SLC7A10: variants seen among roughly 807,000 people sequenced by gnomAD.
The protein encoded by SLC7A10 is solute carrier family 7 member 10, also known as asc-type amino acid transporter 1.
Under a neutral mutation model 52.7 loss-of-function variants are expected in SLC7A10, and 30 were observed. That is an observed-to-expected ratio of 0.57 (90% confidence interval 0.43 to 0.77). The LOEUF (loss-of-function observed/expected upper bound fraction) is 0.77, where lower values mean the gene tolerates loss of function less well. Ranked by LOEUF, SLC7A10 falls within the 30% of genes least tolerant of loss-of-function variation. The pLI is 0.00. For missense variants in SLC7A10, 581 were observed against 698.5 expected (o/e 0.83, Z 1.90); for synonymous variants, 318 against 314.9 (o/e 1.01, Z -0.10).
At position 33,211,484 on chromosome 19, in the gene SLC7A10, G is replaced by A. The variant is rs146695125; in HGVS notation, c.842C>T (p.Thr281Met). ...ISIPLVTFVY[T>M]FTNIAYFTAM... is the part of the protein sequence containing the mutation. ...CGTGAAGTAGGCAATGTTGGTGAAC[G>A]TGTACACGAAGGTCACCAGTGGGAT... is the stretch of plus-strand genomic sequence containing the variant. The change falls in exon 6 of 11, where the codon ACG becomes ATG. Residue 281 changes from threonine to methionine, a missense_variant. Thr to Met is a moderately conservative substitution (Grantham distance 81). Coordinates refer to ENST00000253188, the MANE Select transcript of SLC7A10 (RefSeq NM_019849.3). 25 of 1,613,994 alleles carry A rather than the reference G, an allele frequency of 1.5e-5. No homozygotes were observed. The Admixed American group carries it at 1.7e-4, about 11-fold the overall frequency.
intron 2 of SLC7A10, among the ~76,000 whole-genome samples, chr19:33,213,529 C>T (rs542054715): frequency 6.6e-6 from 1 of 152,298 alleles, no homozygotes; most frequent in South Asian, 2.1e-4. Flanking sequence ...ACCTCGTGAT[C>T]CACCCGCCTC....
At chr19:33,221,483 C>T (rs1004201101) in intron 1 of SLC7A10, among the ~76,000 whole-genome samples, 7 of 152,146 alleles carry the variant, frequency 4.6e-5, no homozygotes, top group African/African-American at 1.2e-4. Flanking sequence ...TGGAGCACAC[C>T]GAGGGCATCT....
rs543123663 is a variant in SLC7A10 at position 33,225,750 on chromosome 19, C to G, written c.-47G>C. 2 of 1,453,982 alleles carry G rather than the reference C, an allele frequency of 1.4e-6. No individual in the cohort carries two copies. Among genetic ancestry groups the G allele is most frequent in the Non-Finnish European group, 1.8e-6 (2 of 1,110,268 alleles). 90.1% of individuals were successfully genotyped at this position (1,453,982 alleles called of 1,614,324 possible). A position where few individuals can be genotyped will look rare whatever the true frequency, so the allele number is the denominator to read the frequency against. On this transcript the variant is annotated 5_prime_UTR_variant, in exon 1 of 11. Coordinates refer to ENST00000253188, the MANE Select transcript of SLC7A10 (RefSeq NM_019849.3). ...CGCTCCCTGCGCTGCCCCGTCTGTC[C>G]GGCCGGCCGCCCGTCGGTCCGTCGG... is the stretch of plus-strand genomic sequence containing the variant.
rs553303405 is a variant in SLC7A10, at chr19:33,221,940, C to T, written c.151+3613G>A. Among the ~76,000 whole-genome samples the T allele has an allele frequency of 2.0e-5, 3 of 152,176 alleles. No homozygotes were observed. The South Asian group carries it at 6.2e-4, about 31-fold the overall frequency. On this transcript the variant is annotated intron_variant, in intron 1 of 10. Transcript: ENST00000253188. ...AGTATGAGAGGCCCTGTGAGTCCAGCCGCCGATGGGGAGGCAGACTTCCCT... is the reference window on the plus strand; with the variant it reads ...AGTATGAGAGGCCCTGTGAGTCCAGTCGCCGATGGGGAGGCAGACTTCCCT...
intron 2 of SLC7A10, among the ~76,000 whole-genome samples, chr19:33,214,149 G>C (rs1974619010): frequency 6.6e-6 from 1 of 152,106 alleles, no homozygotes; most frequent in African/African-American, 2.4e-5. Context: ...CAGGCCCGAA[G>C]CATGATTATT....
intron 1 of SLC7A10, chr19:33,221,132 A>ATTGCCTTTTGCTTGCAT (rs1974803389): frequency 6.7e-6 from 1 of 148,660 alleles, no homozygotes; most frequent in African/African-American, 2.6e-5. Context: ...AGCAAAAGGC[A>ATTGCCTTTTGCTTGCAT]ATGCCCTTAA....
At chr19:33,211,804 A>T in intron 5 of SLC7A10, 1 of 560,270 alleles carries the variant, frequency 1.8e-6, no homozygotes, top group East Asian at 3.2e-5. Context: ...GTGCAGAAAG[A>T]TAAAATCGCA....
chr19:33,210,978 C>T lies in SLC7A10; in HGVS notation c.1017-80G>A. 7.4e-7 allele frequency: 1 copy of T among 1,357,216 alleles called. No homozygotes were observed. The highest frequency in any genetic ancestry group is 1.0e-6 in the Non-Finnish European group (1 of 955,440). The allele number at this position is 1,357,216 out of a possible 1,614,324, so 84.1% of individuals were successfully genotyped here. On this transcript the variant is annotated intron_variant, in intron 7 of 10. Coordinates refer to ENST00000253188, the MANE Select transcript of SLC7A10 (RefSeq NM_019849.3). This position sits in a 1 kb window ranked among gnomAD's most constrained non-coding sequence, Gnocchi z 5.6. Reference sequence around the variant, plus strand: ...CCTGATGTCCCTCTTAAGCTGTCGCCTCTGACCTCCTGCTCCGGGCCCAGC... The same window carrying T: ...CCTGATGTCCCTCTTAAGCTGTCGCTTCTGACCTCCTGCTCCGGGCCCAGC...
Position 33,211,416 on chromosome 19 carries a change from C to T in SLC7A10, c.910G>A (p.Val304Met), listed in dbSNP as rs149181948. ...GGACCGAGCAGGGGCCCACTCACCACAGCCACCGCATTGGAGGAGAGCAGC... is the reference window on the plus strand; with the variant it reads ...GGACCGAGCAGGGGCCCACTCACCATAGCCACCGCATTGGAGGAGAGCAGC... ...QELLSSNAVA[V>M]TFGEKLLGYF... Residue 304 changes from valine to methionine, a missense_variant and splice_region_variant, in exon 6 of 11, where the codon GTG becomes ATG. By Grantham distance (21) the Val-to-Met change is conservative. Coordinates refer to ENST00000253188, the MANE Select transcript of SLC7A10 (RefSeq NM_019849.3). 67 of 1,613,894 alleles carry T rather than the reference C, an allele frequency of 4.2e-5. No individual in the cohort carries two copies. In the African/African-American group the frequency reaches 7.7e-4, roughly 19 times the overall value.
intron 1 of SLC7A10, among the ~76,000 whole-genome samples, chr19:33,223,539 A>G (rs534153341): frequency 6.6e-6 from 1 of 151,958 alleles, no homozygotes; most frequent in Non-Finnish European, 1.5e-5. Context: ...TGCAGACCCC[A>G]GCTCAGTCCT....
intron 5 of SLC7A10, 71 bp from the exon 6 acceptor site, chr19:33,211,608 G>C: frequency 6.2e-7 from 1 of 1,611,092 alleles, no homozygotes; most frequent in Non-Finnish European, 8.5e-7. Flanking sequence ...CCAGCCACGA[G>C]AGCAGCTCAT....
Position 33,223,951 on chromosome 19 carries a change from AC to A in SLC7A10, c.151+1601del, listed in dbSNP as rs1568397157. ...CACCACCACCTCTACCATCACCACCACCACCACCACCACCACCACCACCACC... is the reference window on the plus strand; with the variant it reads ...CACCACCACCTCTACCATCACCACCACACCACCACCACCACCACCACCACC... On this transcript the variant is annotated intron_variant, in intron 1 of 10. Transcript: ENST00000253188. Among the ~76,000 whole-genome samples the A allele has an allele frequency of 3.4e-5, 5 of 148,652 alleles. No homozygotes were observed. The East Asian group carries it at 1.0e-3, about 30-fold the overall frequency.
chr19:33,216,188 TCACATAGGAAATGG>T (rs1337016324), intron 1 of SLC7A10, among the ~76,000 whole-genome samples: 1 of 152,062 alleles, frequency 6.6e-6, no homozygotes, highest in Non-Finnish European at 1.5e-5. Context: ...CCTCAGTCCC[TCACATAGGAAATGG>T]CACCTCGTTC....
intron 1 of SLC7A10, among the ~76,000 whole-genome samples, chr19:33,216,842 A>G (rs923778658): frequency 6.6e-6 from 1 of 152,068 alleles, no homozygotes; most frequent in Non-Finnish European, 1.5e-5. Context: ...GGCCTCCCAA[A>G]GTGCTGGGAT....
intron 2 of SLC7A10, among the ~76,000 whole-genome samples, chr19:33,213,263 T>C (rs2145477307): frequency 6.6e-6 from 1 of 151,998 alleles, no homozygotes; most frequent in African/African-American, 2.4e-5. Context: ...GGGAACAACA[T>C]AGGCACCAAA....
intron 2 of SLC7A10, 106 bp from the exon 3 acceptor site, chr19:33,213,108 C>T (rs1038734916): frequency 2.7e-6 from 4 of 1,471,470 alleles, no homozygotes; most frequent in Non-Finnish European, 3.7e-6. Flanking sequence ...CGCCCGGGGG[C>T]TGGCGAGGCT....
At chr19:33,215,607 G>GCA (rs776405036) in intron 2 of SLC7A10, among the ~76,000 whole-genome samples, 162 bp downstream of exon 2, 27 of 110,482 alleles carry the variant, frequency 2.4e-4, no homozygotes, top group Middle Eastern at 4.3e-3. Flanking sequence ...TCTCCATCCA[G>GCA]CCCCCACACC....
At chr19:33,219,429 G>A (rs1974767300) in intron 1 of SLC7A10, among the ~76,000 whole-genome samples, 1 of 152,250 alleles carries the variant, frequency 6.6e-6, no homozygotes, top group African/African-American at 2.4e-5. Context: ...GTCGCAGAGT[G>A]AGCCACCTCC....
In SLC7A10 at chr19:33,210,405, C is replaced by A; in HGVS notation, c.1263+62G>T. Reference sequence around the variant, plus strand: ...CCATCCCACCTGCCCCTGGTGCCCACTGTGGATGCAGGGGTGGCTCTGGCA... The same window carrying A: ...CCATCCCACCTGCCCCTGGTGCCCAATGTGGATGCAGGGGTGGCTCTGGCA... On this transcript the variant is annotated intron_variant, in intron 9 of 10. Transcript: ENST00000253188. The surrounding 1 kb of genome is among the most constrained non-coding windows in gnomAD (Gnocchi z 5.6). The A allele has an allele frequency of 1.3e-6, 2 of 1,534,006 alleles. No homozygotes were observed. Among genetic ancestry groups the A allele is most frequent in the Non-Finnish European group, 8.7e-7 (1 of 1,144,318 alleles).
Sources: gnomAD v4.1 joint callset for allele counts (sites outside exome capture counted in the v4.1 genomes callset) on GRCh38, gnomAD v4.1.1 for gene constraint, Gnocchi (gnomAD v3.1) non-coding constraint, MANE v1.5 for transcripts, NCBI Gene and HGNC (gene_info 2026-07-23, HGNC 2026-07-21) for gene names.